Variants in SLC22A24 observed in about 807,000 individuals in gnomAD.
The protein encoded by SLC22A24 is steroid transmembrane transporter SLC22A24.
Under a neutral mutation model 49.8 loss-of-function variants are expected in SLC22A24, and 53 were observed. That is an observed-to-expected ratio of 1.06 (90% CI 0.85 to 1.34). SLC22A24 has a LOEUF of 1.34. Ranked by LOEUF, SLC22A24 falls within the 40% of genes most tolerant of loss-of-function variation. The pLI, the probability that SLC22A24 is intolerant of heterozygous loss-of-function variation, is 0.00. For missense variants in SLC22A24, 786 were observed against 675.9 expected, an observed-to-expected ratio of 1.16 and a Z score of -1.81; for synonymous variants, 302 against 256.4, an observed-to-expected ratio of 1.18 and a Z score of -1.70.
At chr11:63,124,500 CA>C (rs2087274394) in intron 2 of SLC22A24, among the ~76,000 whole-genome samples, 3 of 152,192 alleles carry the variant, frequency 2.0e-5, no homozygotes, top group Admixed American at 2.0e-4. Flanking sequence ...GAAGTTCCTT[CA>C]TTTGATAGGA....
At chr11:63,134,503 A>G (rs67962384) in intron 2 of SLC22A24, among the ~76,000 whole-genome samples, 162 bp downstream of exon 2, 18,211 of 152,244 alleles carry the variant, frequency 0.12, 1,228 homozygotes, top group Middle Eastern at 0.16. Flanking sequence ...TTCTAATTCA[A>G]ATAAGCATTC....
At chr11:63,099,023 T>G (rs1939736) in intron 5 of SLC22A24, among the ~76,000 whole-genome samples, 115,456 of 151,824 alleles carry the variant, frequency 0.76, 44,667 homozygotes, top group East Asian at 0.9. Context: ...AAAAAATGAA[T>G]AAATTCCTAG....
rs533321778 is a variant in SLC22A24, at chr11:63,102,390, TA to T, written c.954+1784del. ...AAGAGATTAAAAATATGTCTCTCAA[TA>T]AAAAAAATACAGCCTCTAGGATACT... On this transcript the variant is annotated intron_variant, in intron 5 of 9. Transcript: ENST00000612278. Among the ~76,000 whole-genome samples, 343 of 151,726 alleles carry T rather than the reference TA, an allele frequency of 2.3e-3. 1 individual carries two copies. The highest frequency in any genetic ancestry group is 5.0e-3 in the Admixed American group (76 of 15,218).
At chr11:63,109,929 A>G (rs1454451397) in intron 4 of SLC22A24, among the ~76,000 whole-genome samples, 2 of 152,084 alleles carry the variant, frequency 1.3e-5, no homozygotes, top group Non-Finnish European at 1.5e-5. Context: ...GCCCATGCCT[A>G]TGTCCTGAAT....
intron 2 of SLC22A24, among the ~76,000 whole-genome samples, chr11:63,124,966 G>C: frequency 6.6e-6 from 1 of 151,076 alleles, no homozygotes; most frequent in African/African-American, 2.4e-5. Flanking sequence ...GGTGGGGGGA[G>C]TGGGGAGGGA....
chr11:63,080,885 T>A, intron 9 of SLC22A24, 35 bp downstream of exon 9: 1 of 1,523,218 alleles, frequency 6.6e-7, no homozygotes, highest in Non-Finnish European at 8.9e-7. Flanking sequence ...ACATAGCCAC[T>A]CCCCACTCAA....
intron 6 of SLC22A24, among the ~76,000 whole-genome samples, chr11:63,088,147 G>T (rs1300271867): frequency 6.6e-6 from 1 of 152,174 alleles, no homozygotes; most frequent in East Asian, 1.9e-4. Context: ...CCTCCCAACG[G>T]GGTCAACAGA....
chr11:63,139,210 A>G (rs539550540), intron 1 of SLC22A24, among the ~76,000 whole-genome samples: 16 of 152,226 alleles, frequency 1.1e-4, no homozygotes, highest in African/African-American at 3.9e-4. Flanking sequence ...CTTAATGCAC[A>G]CACGAGGGGC....
intron 4 of SLC22A24, among the ~76,000 whole-genome samples, chr11:63,111,175 A>T (rs980560424): frequency 2.6e-5 from 4 of 152,080 alleles, no homozygotes; most frequent in Admixed American, 2.6e-4. Flanking sequence ...ATGTTGAACC[A>T]GCCTTGCATC....
chr11:63,127,086 G>C (rs569542029), intron 2 of SLC22A24, among the ~76,000 whole-genome samples: 1 of 152,036 alleles, frequency 6.6e-6, no homozygotes, highest in African/African-American at 2.4e-5. Context: ...CCATCAAGTC[G>C]TCATTTACAT....
chr11:63,102,530 G>A (rs960132699), intron 5 of SLC22A24, among the ~76,000 whole-genome samples: 1 of 152,146 alleles, frequency 6.6e-6, no homozygotes, highest in Non-Finnish European at 1.5e-5. Context: ...CCAATGGGTT[G>A]ACAGGTGATC....
At chr11:63,089,175 G>T (rs2087004109) in intron 6 of SLC22A24, among the ~76,000 whole-genome samples, 1 of 152,178 alleles carries the variant, frequency 6.6e-6, no homozygotes. Flanking sequence ...CAGCCAGAAA[G>T]GTCAGGTTAC....
At chr11:63,137,430 G>C (rs1265569553) in intron 1 of SLC22A24, among the ~76,000 whole-genome samples, 1 of 152,118 alleles carries the variant, frequency 6.6e-6, no homozygotes, top group Non-Finnish European at 1.5e-5. Flanking sequence ...GGTTATATTT[G>C]ATGACCCTAA....
chr11:63,113,966 C>A (rs561696625), intron 4 of SLC22A24, among the ~76,000 whole-genome samples: 1 of 152,046 alleles, frequency 6.6e-6, no homozygotes, highest in Non-Finnish European at 1.5e-5. Flanking sequence ...TTGTGGGTAA[C>A]CCGACCTTTC....
intron 2 of SLC22A24, among the ~76,000 whole-genome samples, chr11:63,131,102 C>CTTTTTTTTTTTTTT (rs899341131): frequency 1.3e-5 from 2 of 151,598 alleles, no homozygotes; most frequent in Admixed American, 6.6e-5. Context: ...GCAACCCCTG[C>CTTTTTTTTTTTTTT]TTTTTTTTGC....
chr11:63,086,272 C>A (rs1043703435), intron 6 of SLC22A24, among the ~76,000 whole-genome samples: 1 of 152,056 alleles, frequency 6.6e-6, no homozygotes, highest in African/African-American at 2.4e-5. Context: ...ATAGTAAAGA[C>A]CTAGAATCAA....
intron 5 of SLC22A24, among the ~76,000 whole-genome samples, chr11:63,103,195 G>A (rs1252699855): frequency 6.6e-6 from 1 of 151,978 alleles, no homozygotes; most frequent in Non-Finnish European, 1.5e-5. Flanking sequence ...TCTTCTACAG[G>A]GCATTTGCTC....
chr11:63,080,852 C>G, intron 9 of SLC22A24, 68 bp downstream of exon 9: 1 of 1,387,578 alleles, frequency 7.2e-7, no homozygotes, highest in South Asian at 1.3e-5. Flanking sequence ...GGTCGTTGAC[C>G]TTTCTCATTA....
At chr11:63,099,792 A>G (rs1027604157) in intron 5 of SLC22A24, among the ~76,000 whole-genome samples, 1 of 152,132 alleles carries the variant, frequency 6.6e-6, no homozygotes, top group Non-Finnish European at 1.5e-5. Context: ...AACCAATGTG[A>G]TACATCCTAT....
Sources: gnomAD v4.1 joint callset for allele counts (sites outside exome capture counted in the v4.1 genomes callset) on GRCh38, gnomAD v4.1.1 for gene constraint, MANE v1.5 for transcripts, NCBI Gene and HGNC (gene_info 2026-07-23, HGNC 2026-07-21) for gene names.